The following EHMT1 variants were observed in gnomAD, a reference collection of about 807,000 sequenced individuals.
The protein encoded by EHMT1 is histone-lysine N-methyltransferase EHMT1.
Under a neutral mutation model 147.2 loss-of-function variants are expected in EHMT1, and 15 were observed. The observed-to-expected ratio is 0.10, with a 90% CI of 0.07 to 0.16. EHMT1 has a LOEUF of 0.16. Ranked by LOEUF, EHMT1 falls within the 10% of genes least tolerant of loss-of-function variation. EHMT1 has a pLI of 1.00. For missense variants in EHMT1, 1,587 were observed against 1,772.4 expected (o/e 0.90, Z 1.88); for synonymous variants, 795 against 709.6 (o/e 1.12, Z -1.91).
intron 6 of EHMT1, among the ~76,000 whole-genome samples, chr9:137,744,373 G>T (rs1373855488): frequency 1.3e-5 from 2 of 151,460 alleles, no homozygotes; most frequent in Admixed American, 6.6e-5. Flanking sequence ...CCACGCTGCA[G>T]TGCAGTGGCA....
Position 137,825,837 on chromosome 9 carries a change from G to A in EHMT1, c.3540+7699G>A, listed in dbSNP as rs368053594. On this transcript the variant is annotated intron_variant, in intron 25 of 26. Coordinates refer to ENST00000460843, the MANE Select transcript of EHMT1 (RefSeq NM_024757.5). ...ACTTCTCATTCTTGTCGTCTACACC[G>A]GCGGGGCTGCCCAGTGTCAGGGAGG... Among the ~76,000 whole-genome samples, 40 of 152,192 alleles carry A rather than the reference G, an allele frequency of 2.6e-4. 1 individual carries two copies. Among genetic ancestry groups the A allele is most frequent in the South Asian group, 1.7e-3 (8 of 4,810 alleles).
At chr9:137,715,847 T>G (rs1347021776) in intron 2 of EHMT1, 16 of 984,678 alleles carry the variant, frequency 1.6e-5, no homozygotes, top group Non-Finnish European at 1.9e-5. Flanking sequence ...CAAATAACAC[T>G]CCATGTTTTA....
In EHMT1 at chr9:137,810,110, C is replaced by T. The variant is rs55701336; in HGVS notation, c.2713-1351C>T. Among the ~76,000 whole-genome samples, 3 of 104,388 alleles carry T rather than the reference C, an allele frequency of 2.9e-5. No individual in the cohort carries two copies. The African/African-American group carries it at 3.8e-4, about 13-fold the overall frequency. The allele number at this position is 104,388 out of a possible 152,430, so 68.5% of individuals were successfully genotyped here. A position where few individuals can be genotyped will look rare whatever the true frequency, so the allele number is the denominator to read the frequency against. On this transcript the variant is annotated intron_variant, in intron 18 of 26. Coordinates refer to ENST00000460843, the MANE Select transcript of EHMT1 (RefSeq NM_024757.5). The stretch of plus-strand genomic sequence containing the variant: ...TCGGATGCCGCCCTGTGTGGACCGT[C>T]GGTGATGGGTCCGGAGGCGGTTCCG...
At chr9:137,733,965 A>G (rs1425412025) in intron 4 of EHMT1, among the ~76,000 whole-genome samples, 3 of 152,234 alleles carry the variant, frequency 2.0e-5, no homozygotes, top group African/African-American at 4.8e-5. Context: ...TGACAACAAC[A>G]AAAACACCCC....
intron 1 of EHMT1, among the ~76,000 whole-genome samples, chr9:137,705,793 C>G (rs538940361): frequency 6.6e-6 from 1 of 152,278 alleles, no homozygotes; most frequent in South Asian, 2.1e-4. Context: ...GGGGGATGGC[C>G]CTAGAGGGCT....
At chr9:137,672,280 G>T (rs1005284588) in intron 1 of EHMT1, among the ~76,000 whole-genome samples, 1 of 152,080 alleles carries the variant, frequency 6.6e-6, no homozygotes, top group African/African-American at 2.4e-5. Context: ...TAGGTTTATT[G>T]TTATTTGTAC....
At position 137,716,701 on chromosome 9, in the gene EHMT1, C is replaced by G. The variant is rs757663357; in HGVS notation, c.161C>G (p.Thr54Ser). The G allele has an allele frequency of 1.9e-6, 3 of 1,610,208 alleles. No individual in the cohort carries two copies. In the Admixed American group the frequency reaches 5.0e-5, roughly 27 times the overall value. Residue 54 changes from threonine (T) to serine (S), a missense_variant, in exon 3 of 27, where the codon ACC (threonine) becomes AGC (serine). Thr to Ser is a moderately conservative substitution (Grantham distance 58). Coordinates refer to ENST00000460843, the MANE Select transcript of EHMT1 (RefSeq NM_024757.5). The stretch of plus-strand genomic sequence containing the variant: ...GCCCACATGGCTGCGGACGGTGAGA[C>G]CAATGGGTCTTGTGAAAACAGCGAT... ...GEAHMAADGETNGSCENSDAS... is the reference protein window; with the variant it reads ...GEAHMAADGESNGSCENSDAS...
intron 4 of EHMT1, among the ~76,000 whole-genome samples, chr9:137,740,634 A>G (rs116389583): frequency 0.011 from 1,743 of 151,822 alleles, 39 homozygotes; most frequent in African/African-American, 0.04. Flanking sequence ...AATAGATTCT[A>G]CATTTCTGAA....
At chr9:137,747,170 T>A (rs1301205270) in intron 6 of EHMT1, 1 of 152,186 alleles carries the variant, frequency 6.6e-6, no homozygotes, top group Non-Finnish European at 1.5e-5. Flanking sequence ...TACATTTTTT[T>A]TTTTTGGGAC....
rs971654084 is a variant in EHMT1, at chr9:137,777,871, C to G, written c.2019-11C>G. ...TTTTCATAAACCTTTCCCCGATTTC[C>G]TCCCCTGAAGTGCTGCCGGGCCACC... On this transcript the variant is annotated splice_polypyrimidine_tract_variant and intron_variant, in intron 12 of 26. Transcript: ENST00000460843. 2.3e-5 allele frequency: 37 copies of G among 1,612,502 alleles called. No homozygotes were observed. The highest frequency in any genetic ancestry group is 2.9e-5 in the Non-Finnish European group (34 of 1,180,034).
chr9:137,805,239 A>C (rs774593152), intron 18 of EHMT1, among the ~76,000 whole-genome samples: 6 of 151,880 alleles, frequency 4.0e-5, no homozygotes, highest in African/African-American at 7.3e-5. Flanking sequence ...GTCAGTCCAC[A>C]TGTGTGTCAG....
chr9:137,720,495 A>T (rs1945841427), intron 3 of EHMT1, among the ~76,000 whole-genome samples: 1 of 151,668 alleles, frequency 6.6e-6, no homozygotes, highest in Non-Finnish European at 1.5e-5. Flanking sequence ...TAGACAAGGG[A>T]TATTGTCTTG....
In EHMT1 at chr9:137,742,494, T is replaced by C. The variant is rs932019795; in HGVS notation, c.824-877T>C. Among the ~76,000 whole-genome samples the C allele has an allele frequency of 2.6e-5, 4 of 151,928 alleles. No individual in the cohort carries two copies. In the East Asian group the frequency reaches 7.7e-4, roughly 29 times the overall value. On this transcript the variant is annotated intron_variant, in intron 4 of 26. Transcript: ENST00000460843. ...GATTTTCCCCATCCCTTTAGGAGAG[T>C]TTCTTTTATGTTAAAGCAGTGGCTT...
At chr9:137,657,147 G>T (rs975623897) in intron 1 of EHMT1, among the ~76,000 whole-genome samples, 1 of 152,154 alleles carries the variant, frequency 6.6e-6, no homozygotes, top group African/African-American at 2.4e-5. Flanking sequence ...GTGTGTTATG[G>T]CCGGTGTAGA....
chr9:137,810,219 A>G (rs1954334313), intron 18 of EHMT1, among the ~76,000 whole-genome samples: 4 of 146,498 alleles, frequency 2.7e-5, no homozygotes, highest in African/African-American at 7.4e-5. Flanking sequence ...ATGGGTCCGG[A>G]GGCGGTTCCG....
chr9:137,724,874 G>T (rs1431015039), intron 3 of EHMT1, among the ~76,000 whole-genome samples: 21 of 149,884 alleles, frequency 1.4e-4, no homozygotes, highest in African/African-American at 5.0e-4. Flanking sequence ...TCGTGGGGCA[G>T]ACGTGTGGCA....
intron 1 of EHMT1, among the ~76,000 whole-genome samples, chr9:137,659,578 CAG>C (rs1167118083): frequency 1.4e-5 from 2 of 147,684 alleles, no homozygotes; most frequent in Non-Finnish European, 3.0e-5. Flanking sequence ...TTTTTGGAGA[CAG>C]AGTCTCTGTT....
intron 1 of EHMT1, among the ~76,000 whole-genome samples, chr9:137,684,829 T>G (rs980714929): frequency 6.6e-6 from 1 of 152,180 alleles, no homozygotes; most frequent in East Asian, 1.9e-4. Flanking sequence ...ATATAACTAG[T>G]CAACGTCAGG....
intron 25 of EHMT1, 63 bp from the exon 26 acceptor site, chr9:137,834,286 C>G: frequency 1.3e-6 from 2 of 1,600,004 alleles, no homozygotes; most frequent in South Asian, 2.2e-5. Context: ...ATGGCCGTAC[C>G]CGGCGAGGCC....
Sources: allele counts gnomAD v4.1 joint callset (sites outside exome capture counted in the v4.1 genomes callset), GRCh38; gene constraint gnomAD v4.1.1; transcripts MANE v1.5; gene names NCBI Gene and HGNC (gene_info 2026-07-23, HGNC 2026-07-21).